Variants in ANGPT1 observed in about 807,000 individuals in gnomAD.
ANGPT1 encodes the protein angiopoietin 1.
A neutral mutation model predicts 62.2 loss-of-function variants in ANGPT1; 17 were observed. The ratio of observed to expected loss-of-function variants is 0.27; its 90% CI spans 0.19 to 0.41. The LOEUF (loss-of-function observed/expected upper bound fraction) is 0.41, where lower values mean the gene tolerates loss of function less well. Ranked by LOEUF, ANGPT1 falls within the 10% of genes least tolerant of loss-of-function variation. The pLI is 1.00. For synonymous variants in ANGPT1, 199 were observed against 198.9 expected, an observed-to-expected ratio of 1.00 and a Z score of 0.00; for missense variants, 478 against 594.9, an observed-to-expected ratio of 0.80 and a Z score of 2.04.
intron 8 of ANGPT1, among the ~76,000 whole-genome samples, chr8:107,253,125 G>A (rs114269192): frequency 0.011 from 1,732 of 152,282 alleles, 30 homozygotes; most frequent in African/African-American, 0.039. Flanking sequence ...CACTAGAGGC[G>A]TAACAAGCTG....
intron 1 of ANGPT1, among the ~76,000 whole-genome samples, chr8:107,490,766 A>C (rs1259026369): frequency 6.6e-6 from 1 of 152,212 alleles, no homozygotes; most frequent in Non-Finnish European, 1.5e-5. Flanking sequence ...CATAGACAAC[A>C]CATAAATGAA....
intron 1 of ANGPT1, among the ~76,000 whole-genome samples, chr8:107,410,753 T>C (rs868110025): frequency 9.8e-5 from 15 of 152,312 alleles, no homozygotes; most frequent in Middle Eastern, 3.4e-3. Context: ...AGCGCAAATA[T>C]ATGGTCAGCA....
At chr8:107,469,905 A>C (rs530964657) in intron 1 of ANGPT1, among the ~76,000 whole-genome samples, 1 of 152,186 alleles carries the variant, frequency 6.6e-6, no homozygotes, top group Non-Finnish European at 1.5e-5. Context: ...TCTTAAAAAT[A>C]CCTTTTCACA....
intron 4 of ANGPT1, among the ~76,000 whole-genome samples, chr8:107,320,023 C>G (rs187231029): frequency 6.6e-6 from 1 of 151,832 alleles, no homozygotes; most frequent in African/African-American, 2.4e-5. Context: ...TATCTAGAGG[C>G]CTGGAATATT....
chr8:107,464,614 G>C (rs1424237377), intron 1 of ANGPT1, among the ~76,000 whole-genome samples: 1 of 151,946 alleles, frequency 6.6e-6, no homozygotes, highest in Non-Finnish European at 1.5e-5. Context: ...CTAGAATCAC[G>C]CTCTCTGAAT....
At chr8:107,295,765 A>C (rs1814398234) in intron 5 of ANGPT1, among the ~76,000 whole-genome samples, 1 of 152,162 alleles carries the variant, frequency 6.6e-6, no homozygotes, top group African/African-American at 2.4e-5. Flanking sequence ...TTTATCGAGC[A>C]CTTCGAGATG....
chr8:107,289,572 G>A (rs943638866), intron 6 of ANGPT1, among the ~76,000 whole-genome samples: 7 of 152,086 alleles, frequency 4.6e-5, no homozygotes, highest in Admixed American at 6.6e-5. Context: ...GCTGAGACGT[G>A]CAACTCAAGA....
intron 1 of ANGPT1, among the ~76,000 whole-genome samples, chr8:107,435,170 A>G (rs1811299748): frequency 6.6e-6 from 1 of 152,174 alleles, no homozygotes; most frequent in South Asian, 2.1e-4. Flanking sequence ...CAGAAATTTG[A>G]TTGTGGTGCA....
intron 4 of ANGPT1, among the ~76,000 whole-genome samples, chr8:107,310,872 A>G (rs1014706169): frequency 1.3e-5 from 2 of 152,090 alleles, no homozygotes; most frequent in South Asian, 2.1e-4. Flanking sequence ...CTTCAAAGAC[A>G]GAGAGGATAG....
chr8:107,254,268 C>T (rs971452710), intron 8 of ANGPT1, among the ~76,000 whole-genome samples: 10 of 151,878 alleles, frequency 6.6e-5, no homozygotes, highest in Non-Finnish European at 1.2e-4. Flanking sequence ...TCATTTTTTT[C>T]TTTATGTATC....
chr8:107,276,628 T>TAA (rs10709941), intron 7 of ANGPT1, among the ~76,000 whole-genome samples: 2 of 150,416 alleles, frequency 1.3e-5, no homozygotes, highest in Non-Finnish European at 3.0e-5. Flanking sequence ...TTTAATGATT[T>TAA]AAAAAAAAAA....
intron 3 of ANGPT1, among the ~76,000 whole-genome samples, chr8:107,331,451 T>G (rs1265174784): frequency 1.3e-5 from 2 of 152,182 alleles, no homozygotes; most frequent in Non-Finnish European, 2.9e-5. Flanking sequence ...TATTTGTTTG[T>G]TTTAAGAGAA....
chr8:107,486,077 C>G (rs570953961), intron 1 of ANGPT1, among the ~76,000 whole-genome samples: 3 of 152,208 alleles, frequency 2.0e-5, no homozygotes, highest in African/African-American at 7.2e-5. Context: ...AACCATGGAG[C>G]TTTAGAGTGT....
intron 4 of ANGPT1, among the ~76,000 whole-genome samples, chr8:107,319,179 T>C (rs1240093691): frequency 6.6e-6 from 1 of 152,226 alleles, no homozygotes; most frequent in Non-Finnish European, 1.5e-5. Context: ...AATGTAATTC[T>C]TTCCCTATTG....
chr8:107,434,674 G>A (rs1425819614), intron 1 of ANGPT1, among the ~76,000 whole-genome samples: 1 of 152,154 alleles, frequency 6.6e-6, no homozygotes. Context: ...CTCTAACCCT[G>A]ATTACATGGC....
At chr8:107,271,431 C>T (rs572471614) in intron 7 of ANGPT1, among the ~76,000 whole-genome samples, 3 of 152,086 alleles carry the variant, frequency 2.0e-5, no homozygotes, top group East Asian at 1.9e-4. Flanking sequence ...GCATGAATTA[C>T]GGGAATGACT....
intron 1 of ANGPT1, among the ~76,000 whole-genome samples, chr8:107,488,829 G>T (rs1250532045): frequency 6.6e-6 from 1 of 152,224 alleles, no homozygotes; most frequent in South Asian, 2.1e-4. Context: ...AAAACCTACT[G>T]AACTTTAATC....
intron 7 of ANGPT1, chr8:107,284,339 ATTAT>A: frequency 6.5e-6 from 1 of 152,986 alleles, no homozygotes; most frequent in Non-Finnish European, 1.4e-5. Context: ...GAATAAAGAG[ATTAT>A]TTAAGCCAAT....
At chr8:107,346,896 A>C in intron 2 of ANGPT1, 46 bp downstream of exon 2, 12 of 1,536,232 alleles carry the variant, frequency 7.8e-6, no homozygotes, top group Non-Finnish European at 9.6e-6. Flanking sequence ...AAAGAAAAAA[A>C]AAATTTTTCC....
Sources: gnomAD v4.1 joint callset for allele counts (sites outside exome capture counted in the v4.1 genomes callset) on GRCh38, gnomAD v4.1.1 for gene constraint, MANE v1.5 for transcripts, NCBI Gene and HGNC (gene_info 2026-07-23, HGNC 2026-07-21) for gene names.